Variants in MYO10 observed in about 807,000 individuals in gnomAD.
MYO10 encodes the protein myosin X, also known as unconventional myosin-X.
Under a neutral mutation model 257.3 loss-of-function variants are expected in MYO10, and 133 were observed. The observed-to-expected ratio is 0.52, with a 90% CI of 0.45 to 0.60. MYO10 has a LOEUF of 0.60. Among genes scored for constraint, MYO10 ranks in the 20% least tolerant of loss-of-function variants. MYO10 has a pLI of 0.00. For missense variants in MYO10, 2,399 were observed against 2,635.7 expected (o/e 0.91, Z 1.97); for synonymous variants, 1,104 against 1,028.6 (o/e 1.07, Z -1.40).
chr5:16,760,190 G>A lies in MYO10; in HGVS notation c.1739+1274C>T, dbSNP rs1211085173. On this transcript the variant is annotated intron_variant, in intron 17 of 40. Transcript: ENST00000513610. ...ACTTCCGCCGGGCATGGTGGCTCAT[G>A]CCTGTAATCCCAGCACTTTGGGAGG... Among the ~76,000 whole-genome samples, 3 of 151,416 alleles carry A rather than the reference G, an allele frequency of 2.0e-5. 1 individual carries two copies. The highest frequency in any genetic ancestry group is 1.3e-4 in the Admixed American group (2 of 15,146).
intron 28 of MYO10, among the ~76,000 whole-genome samples, chr5:16,689,401 A>T (rs1223703508): frequency 1.3e-5 from 2 of 152,158 alleles, no homozygotes; most frequent in African/African-American, 2.4e-5. Context: ...GTGCCATAGC[A>T]CTATCAGTTA....
rs192062331 is a variant in MYO10, at chr5:16,832,309, C to A, written c.121-14142G>T. ...TCTAAAGCTTGTATACATTTCTAGG[C>A]TTAAAAAGGAAATCAGTCCAATCAA... On this transcript the variant is annotated intron_variant, in intron 2 of 40. Transcript: ENST00000513610. Among the ~76,000 whole-genome samples, 641 of 152,154 alleles carry A rather than the reference C, an allele frequency of 4.2e-3. 8 individuals carry two copies. The highest frequency in any genetic ancestry group is 0.015 in the African/African-American group (623 of 41,502).
At chr5:16,846,842 G>A (rs1429292804) in intron 2 of MYO10, among the ~76,000 whole-genome samples, 1 of 152,240 alleles carries the variant, frequency 6.6e-6, no homozygotes, top group African/African-American at 2.4e-5. Context: ...TTAAGGCCAC[G>A]TGCGGTGGCT....
Position 16,671,459 on chromosome 5 carries a change from G to A in MYO10, c.5393C>T (p.Pro1798Leu). The change falls in exon 38 of 41, where the codon CCA becomes CTA. Residue 1798 changes from proline (P) to leucine (L), a missense_variant. Pro to Leu is a moderately conservative substitution (Grantham distance 98). Coordinates refer to ENST00000513610, the MANE Select transcript of MYO10 (RefSeq NM_012334.3). The part of the protein sequence containing the change: ...LYCFLDTDNV[P>L]KDSVEFAFMF... ...AAATGCAAACTCCACACTGTCTTTT[G>A]GCACGTTGTCTGTGTCCAGGAAGCA... 8 of 1,613,978 alleles carry A rather than the reference G, an allele frequency of 5.0e-6. No homozygotes were observed. Among genetic ancestry groups the A allele is most frequent in the Non-Finnish European group, 6.8e-6 (8 of 1,179,880 alleles).
intron 1 of MYO10, among the ~76,000 whole-genome samples, chr5:16,928,740 G>A (rs1746209711): frequency 1.3e-5 from 2 of 151,244 alleles, no homozygotes; most frequent in Non-Finnish European, 2.9e-5. Flanking sequence ...AGCTACTTGG[G>A]AGGCTAAGGC....
At chr5:16,811,424 C>T (rs1742438168) in intron 3 of MYO10, among the ~76,000 whole-genome samples, 1 of 152,200 alleles carries the variant, frequency 6.6e-6, no homozygotes, top group Admixed American at 6.5e-5. Context: ...GCACATTCCC[C>T]AGCCAGCATC....
At chr5:16,891,315 AGAGAAAAGG>A (rs1327058995) in intron 1 of MYO10, among the ~76,000 whole-genome samples, 19 of 137,816 alleles carry the variant, frequency 1.4e-4, no homozygotes, top group Non-Finnish European at 2.5e-4. Flanking sequence ...GAAAAGGAGA[AGAGAAAAGG>A]AAGGAAGGAA....
At chr5:16,809,468 G>T (rs1045821954) in intron 3 of MYO10, among the ~76,000 whole-genome samples, 13 of 152,234 alleles carry the variant, frequency 8.5e-5, no homozygotes, top group African/African-American at 3.1e-4. Flanking sequence ...CCACGGCAGG[G>T]TATGCCCAGC....
chr5:16,769,265 T>C (rs1466717752), intron 9 of MYO10, 62 bp from the exon 10 acceptor site: 1 of 1,464,496 alleles, frequency 6.8e-7, no homozygotes, highest in Non-Finnish European at 9.1e-7. Flanking sequence ...AAATGTAGAA[T>C]ATCCCTGATA....
chr5:16,898,224 T>A (rs1460878516), intron 1 of MYO10, among the ~76,000 whole-genome samples: 1 of 149,308 alleles, frequency 6.7e-6, no homozygotes, highest in Non-Finnish European at 1.5e-5. Context: ...GCAAGCCACA[T>A]ATGTAATTTT....
chr5:16,780,782 AGCT>A, intron 6 of MYO10, 41 bp from the exon 7 acceptor site: 1 of 1,549,492 alleles, frequency 6.5e-7, no homozygotes, highest in Non-Finnish European at 8.8e-7. Context: ...AAAAAAACAA[AGCT>A]ATGTGCCATG....
intron 1 of MYO10, among the ~76,000 whole-genome samples, chr5:16,906,362 C>T (rs1439441263): frequency 6.6e-6 from 1 of 152,184 alleles, no homozygotes; most frequent in African/African-American, 2.4e-5. Flanking sequence ...ATAACCATAT[C>T]CTGAGGACGG....
chr5:16,882,750 G>A (rs771271972), intron 1 of MYO10, among the ~76,000 whole-genome samples: 1 of 152,084 alleles, frequency 6.6e-6, no homozygotes, highest in Non-Finnish European at 1.5e-5. Flanking sequence ...AGCTGGGTGC[G>A]GGAGGGACAG....
chr5:16,780,013 TG>T (rs1264946024), intron 8 of MYO10, among the ~76,000 whole-genome samples: 1 of 152,162 alleles, frequency 6.6e-6, no homozygotes, highest in Non-Finnish European at 1.5e-5. Flanking sequence ...GCGATTCTCC[TG>T]CCTCAGCCTC....
intron 26 of MYO10, among the ~76,000 whole-genome samples, chr5:16,698,964 C>CCAG (rs1192007692): frequency 1.3e-5 from 2 of 152,006 alleles, no homozygotes; most frequent in Admixed American, 1.3e-4. Context: ...TCGACCAATT[C>CCAG]CAGCAGCAGC....
rs1490442929 is a variant in MYO10 at position 16,711,018 on chromosome 5, T to C, written c.2059A>G (p.Lys687Glu). The change falls in exon 21 of 41, where the codon AAA becomes GAA. Residue 687 changes from lysine (K) to glutamate (E), a missense_variant. Physicochemically the swap from Lys to Glu is moderately conservative, Grantham distance 56. Around this residue, in one of 3 missense-constraint regions of MYO10, gnomAD observed 1,820 missense variants for 1,939.4 expected, o/e 0.94. Transcript: ENST00000513610. ...AGAGCCAGATTCCTCATCAGCACTT[T>C]ATACCTGCAACGTGAAGACACACAG... ...RPFQDFYKRY[K>E]VLMRNLALPE... 6.2e-7 allele frequency: 1 copy of C among 1,613,990 alleles called. No individual in the cohort carries two copies. The highest frequency in any genetic ancestry group is 1.3e-5 in the African/African-American group (1 of 75,056).
At chr5:16,805,450 C>G (rs1319306725) in intron 3 of MYO10, among the ~76,000 whole-genome samples, 2 of 124,078 alleles carry the variant, frequency 1.6e-5, no homozygotes, top group South Asian at 5.2e-4. Context: ...CACAGTGAGA[C>G]TCCATCTCAA....
chr5:16,848,151 A>ATTTCTTTTTTTT (rs1743691133), intron 2 of MYO10, among the ~76,000 whole-genome samples: 1 of 91,678 alleles, frequency 1.1e-5, no homozygotes, highest in African/African-American at 6.0e-5. Flanking sequence ...AGAACTACAC[A>ATTTCTTTTTTTT]TTTCTTTTTT....
intron 2 of MYO10, among the ~76,000 whole-genome samples, chr5:16,844,232 CT>C (rs917581879): frequency 3.3e-5 from 5 of 151,984 alleles, no homozygotes; most frequent in Admixed American, 6.6e-5. Context: ...TTATCCACTC[CT>C]TTTTTTTCTT....
Sources: gnomAD v4.1 joint callset for allele counts (sites outside exome capture counted in the v4.1 genomes callset) on GRCh38, gnomAD v4.1.1 for gene constraint, gnomAD v4.1.1 regional missense constraint, MANE v1.5 for transcripts, NCBI Gene and HGNC (gene_info 2026-07-23, HGNC 2026-07-21) for gene names.